SLC17A1: variants seen among roughly 807,000 people sequenced by gnomAD.
SLC17A1 encodes sodium-dependent phosphate transport protein 1.
In SLC17A1, 51 loss-of-function variants were observed where a neutral mutation model predicts 53.5. The observed-to-expected ratio is 0.95, with a 90% CI of 0.76 to 1.20. SLC17A1 has a LOEUF of 1.20. SLC17A1 is among the 50% of genes most tolerant of loss of function. The pLI is 0.00. For missense variants in SLC17A1, 538 were observed against 568.2 expected (o/e 0.95, Z 0.54); for synonymous variants, 179 against 198.8 (o/e 0.90, Z 0.84).
At chr6:25,804,389 G>T (rs149735118) in intron 10 of SLC17A1, among the ~76,000 whole-genome samples, 1,962 of 152,190 alleles carry the variant, frequency 0.013, 30 homozygotes, top group African/African-American at 0.038. Flanking sequence ...AATGCTAAAA[G>T]GAGTTCTAAA....
chr6:25,803,480 GT>G (rs1763853651), intron 10 of SLC17A1, among the ~76,000 whole-genome samples: 1 of 152,268 alleles, frequency 6.6e-6, no homozygotes, highest in East Asian at 1.9e-4. Flanking sequence ...AAGGTACAAT[GT>G]GAACAGTGTT....
At chr6:25,798,631 T>C (rs1455027678) in intron 12 of SLC17A1, 152 bp downstream of exon 12, 1 of 588,750 alleles carries the variant, frequency 1.7e-6, no homozygotes, top group Non-Finnish European at 2.6e-6. Flanking sequence ...CCCACAGCCA[T>C]TTCAGGATGT....
Position 25,826,618 on chromosome 6 carries a change from G to A in SLC17A1, c.50C>T (p.Ser17Phe), listed in dbSNP as rs1357679851. 1.3e-6 allele frequency: 2 copies of A among 1,569,040 alleles called. No individual in the cohort carries two copies. Among genetic ancestry groups the A allele is most frequent in the Non-Finnish European group, 1.7e-6 (2 of 1,156,068 alleles). Residue 17 changes from serine to phenylalanine, a missense_variant, in exon 3 of 13, where the codon TCC becomes TTC. By Grantham distance (155) the Ser-to-Phe change is radical. Coordinates refer to ENST00000244527, the MANE Select transcript of SLC17A1 (RefSeq NM_005074.5). Reference sequence around the variant, plus strand: ...AAGGAAAGACAATCCATAGCGAAAGGAACAGAAACCTGGAACTACAAAGTA... The same window carrying A: ...AAGGAAAGACAATCCATAGCGAAAGAAACAGAAACCTGGAACTACAAAGTA... ...LPPKKVPGFC[S>F]FRYGLSFLVH...
intron 3 of SLC17A1, among the ~76,000 whole-genome samples, chr6:25,820,651 C>T (rs1214488127): frequency 1.3e-5 from 2 of 151,960 alleles, no homozygotes; most frequent in Admixed American, 1.3e-4. Context: ...GAGGACGAGG[C>T]GGGCGGATCA....
At chr6:25,770,845 G>A in the SLC17A1 span, 19 of 1,081,854 alleles carry the variant, frequency 1.8e-5, no homozygotes, top group East Asian at 4.2e-4. Context: ...TTCACTCACT[G>A]TGCAACTCAG....
intron 6 of SLC17A1, among the ~76,000 whole-genome samples, chr6:25,814,986 C>A (rs1474346190): frequency 5.8e-5 from 2 of 34,594 alleles, no homozygotes; most frequent in Non-Finnish European, 9.8e-5. Flanking sequence ...GACTCTGTCA[C>A]ACAAACACAC....
At chr6:25,732,212 G>A in the SLC17A1 span, 1 of 347,402 alleles carries the variant, frequency 2.9e-6, no homozygotes, top group Non-Finnish European at 5.4e-6. Flanking sequence ...TTTGACTGGA[G>A]TGAAGCGTGA....
chr6:25,770,874 G>C, the SLC17A1 span: 1 of 1,393,020 alleles, frequency 7.2e-7, no homozygotes, highest in Non-Finnish European at 1.0e-6. Flanking sequence ...AAAGCACATA[G>C]AGCCCCAAGA....
intron 12 of SLC17A1, among the ~76,000 whole-genome samples, chr6:25,789,473 A>T (rs931914668): frequency 6.6e-6 from 1 of 152,130 alleles, no homozygotes; most frequent in Non-Finnish European, 1.5e-5. Context: ...CCAAATTAAC[A>T]AACTACCTGT....
At chr6:25,788,446 C>G (rs1763430289) in intron 12 of SLC17A1, among the ~76,000 whole-genome samples, 1 of 152,126 alleles carries the variant, frequency 6.6e-6, no homozygotes, top group East Asian at 1.9e-4. Flanking sequence ...TCCAGCAGGA[C>G]ACGGTGTGGG....
rs752509586 is a variant in SLC17A1 at position 25,811,665 on chromosome 6, C to T, written c.1003G>A (p.Ala335Thr). Reference sequence around the variant, plus strand: ...GCTGCTGTGAAGAGTTTCCGGACAGCAATTACGCTGAGAATATTCCTGGTC... The same window carrying T: ...GCTGCTGTGAAGAGTTTCCGGACAGTAATTACGCTGAGAATATTCCTGGTC... ...FLTRNILSVI[A>T]VRKLFTAAGF... Residue 335 changes from alanine to threonine, a missense_variant, in exon 9 of 13, where the codon GCT becomes ACT. Coordinates refer to ENST00000244527, the MANE Select transcript of SLC17A1 (RefSeq NM_005074.5). 3 of 1,613,894 alleles carry T rather than the reference C, an allele frequency of 1.9e-6. No homozygotes were observed. Among genetic ancestry groups the T allele is most frequent in the Non-Finnish European group, 2.5e-6 (3 of 1,179,862 alleles).
At chr6:25,751,069 C>T in the SLC17A1 span, among the ~76,000 whole-genome samples, 2 of 152,308 alleles carry the variant, frequency 1.3e-5, no homozygotes, top group East Asian at 1.9e-4. Context: ...CTACAAACTC[C>T]TGTGCAATTC....
chr6:25,726,520 C>G, the SLC17A1 span: 3 of 1,607,872 alleles, frequency 1.9e-6, no homozygotes, highest in South Asian at 1.1e-5. Context: ...CTTCCCTCGT[C>G]CAGACATCTC....
the SLC17A1 span, among the ~76,000 whole-genome samples, chr6:25,763,325 C>T: frequency 2.6e-5 from 4 of 152,218 alleles, no homozygotes; most frequent in Non-Finnish European, 4.4e-5. Flanking sequence ...TTGGTAGTCT[C>T]ATCCTACCTA....
In SLC17A1 at chr6:25,798,907, C is replaced by A. The variant is rs757891899; in HGVS notation, c.1282G>T (p.Ala428Ser). 3.2e-6 allele frequency: 5 copies of A among 1,578,270 alleles called. No homozygotes were observed. The highest frequency in any genetic ancestry group is 2.3e-5 in the South Asian group (2 of 85,372). The change falls in exon 12 of 13, where the codon GCC (alanine) becomes TCC (serine). Residue 428 changes from alanine (A) to serine (S), a missense_variant. Transcript: ENST00000244527. ...GLILKQDPES[A>S]WFKTFILMAA... is the part of the protein sequence containing the mutation. The stretch of plus-strand genomic sequence containing the variant: ...ATCAGGATGAAGGTTTTAAACCAGG[C>A]GGATTCCGGATCCTAAGGAATTAAA...
chr6:25,768,452 G>T, the SLC17A1 span: 5 of 906,964 alleles, frequency 5.5e-6, no homozygotes, highest in Non-Finnish European at 6.6e-6. Flanking sequence ...ATAGATTATA[G>T]TATTAAGATG....
At chr6:25,726,421 C>G in the SLC17A1 span, 4 of 1,614,012 alleles carry the variant, frequency 2.5e-6, no homozygotes, top group Non-Finnish European at 3.4e-6. Context: ...GTTTCCCTTA[C>G]GAAGCAGACG....
chr6:25,732,531 C>A, the SLC17A1 span: 5 of 486,060 alleles, frequency 1.0e-5, no homozygotes, highest in Non-Finnish European at 1.9e-5. Flanking sequence ...TGTCAACGGG[C>A]TGCTCAGCAA....
At chr6:25,774,943 G>A in the SLC17A1 span, among the ~76,000 whole-genome samples, 5 of 152,172 alleles carry the variant, frequency 3.3e-5, no homozygotes, top group East Asian at 3.9e-4. Flanking sequence ...ATACAACAGA[G>A]GAGTCTCCTT....
Sources: allele counts gnomAD v4.1 joint callset (sites outside exome capture counted in the v4.1 genomes callset), GRCh38; gene constraint gnomAD v4.1.1; transcripts MANE v1.5; gene names NCBI Gene and HGNC (gene_info 2026-07-23, HGNC 2026-07-21).